The following FSD1L variants were observed in gnomAD, a reference collection of about 807,000 sequenced individuals.
FSD1L encodes the protein FSD1-like protein.
FSD1L carries 45 observed loss-of-function variants against 71.6 expected under a neutral mutation model. That is an observed-to-expected ratio of 0.63 (90% CI 0.49 to 0.81). The LOEUF is 0.81. Among genes scored for constraint, FSD1L ranks in the 30% least tolerant of loss-of-function variants. The pLI is 0.00. For synonymous variants in FSD1L, 197 were observed against 207.2 expected (o/e 0.95, Z 0.42); for missense variants, 561 against 618.1 (o/e 0.91, Z 0.98).
At chr9:105,522,237 T>A in intron 10 of FSD1L, 1 of 1,613,262 alleles carries the variant, frequency 6.2e-7, no homozygotes, top group Non-Finnish European at 8.5e-7. Flanking sequence ...GGCCACTGAG[T>A]GGTCACTGAC....
chr9:105,517,681 C>T (rs1450954855), intron 10 of FSD1L, among the ~76,000 whole-genome samples: 5 of 152,074 alleles, frequency 3.3e-5, no homozygotes, highest in Non-Finnish European at 5.9e-5. Context: ...TGGAAAGAAC[C>T]ATTGGTACCA....
chr9:105,498,636 A>G (rs1289763842), intron 7 of FSD1L, among the ~76,000 whole-genome samples: 2 of 152,332 alleles, frequency 1.3e-5, no homozygotes, highest in East Asian at 3.9e-4. Context: ...GCTCATGACC[A>G]TATGTGCATT....
intron 7 of FSD1L, among the ~76,000 whole-genome samples, chr9:105,501,459 T>C (rs1241726803): frequency 6.6e-6 from 1 of 152,172 alleles, no homozygotes; most frequent in African/African-American, 2.4e-5. Flanking sequence ...GGTATTTCTC[T>C]ATCACCCAGG....
In FSD1L at chr9:105,546,698, G is replaced by A. The variant is rs2131547088; in HGVS notation, c.*215G>A. On this transcript the variant is annotated 3_prime_UTR_variant, in exon 14 of 14. Transcript: ENST00000481272. ...AGCAGATACCAAGCAAAAAACTGAT[G>A]ATTGAAGAGTAAATGGGGGAAAAGG... 2.9e-6 allele frequency: 1 copy of A among 340,144 alleles called. No individual in the cohort carries two copies. Among genetic ancestry groups the A allele is most frequent in the South Asian group, 1.2e-4 (1 of 8,304 alleles). The allele number at this position is 340,144 out of a possible 1,614,324, so 21.1% of individuals were successfully genotyped here. A position where few individuals can be genotyped will look rare whatever the true frequency, so the allele number is the denominator to read the frequency against.
chr9:105,535,137 T>C lies in FSD1L; in HGVS notation c.1197T>C (p.Ser399=). The change falls in exon 12 of 14, where the codon AGT becomes AGC. Residue 399 remains serine (S), a synonymous_variant. Transcript: ENST00000481272. The part of the protein sequence containing the change: ...VKAQKDCKSY[S]VGVAYKTLGK... Reference sequence around the variant, plus strand: ...CCCAGAAGGATTGTAAATCCTACAGTGTGGGAGTAGCATACAAAACGTTGG... The same window carrying C: ...CCCAGAAGGATTGTAAATCCTACAGCGTGGGAGTAGCATACAAAACGTTGG... 6.4e-7 allele frequency: 1 copy of C among 1,551,690 alleles called. No individual in the cohort carries two copies. The highest frequency in any genetic ancestry group is 8.7e-7 in the Non-Finnish European group (1 of 1,146,848).
chr9:105,512,683 G>A, intron 9 of FSD1L, 124 bp from the exon 10 acceptor site: 3 of 489,774 alleles, frequency 6.1e-6, no homozygotes, highest in Non-Finnish European at 1.1e-5. Flanking sequence ...TTATGAATTT[G>A]AACTTTATTT....
At chr9:105,511,608 C>T (rs777857561) in intron 9 of FSD1L, among the ~76,000 whole-genome samples, 1 of 151,980 alleles carries the variant, frequency 6.6e-6, no homozygotes, top group Non-Finnish European at 1.5e-5. Flanking sequence ...TGTGAACTTC[C>T]TTGTACTGTA....
chr9:105,466,107 G>A (rs913629072), intron 3 of FSD1L, among the ~76,000 whole-genome samples: 3 of 151,894 alleles, frequency 2.0e-5, no homozygotes, highest in Admixed American at 6.6e-5. Context: ...CATGAAAAAC[G>A]AACTATTTCA....
At chr9:105,520,335 G>T in intron 10 of FSD1L, 1 of 1,329,130 alleles carries the variant, frequency 7.5e-7, no homozygotes, top group Non-Finnish European at 1.1e-6. Context: ...ATTTGTTTTG[G>T]AAAGTGATGT....
intron 2 of FSD1L, among the ~76,000 whole-genome samples, chr9:105,463,770 T>A (rs1830875293): frequency 1.3e-5 from 2 of 152,248 alleles, no homozygotes; most frequent in South Asian, 4.1e-4. Flanking sequence ...TCATTCTAAA[T>A]GCACATGTAT....
At chr9:105,518,536 C>G (rs1032413548) in intron 10 of FSD1L, among the ~76,000 whole-genome samples, 3 of 152,188 alleles carry the variant, frequency 2.0e-5, no homozygotes, top group Non-Finnish European at 4.4e-5. Flanking sequence ...TATGTGGAAA[C>G]TGAACAACCT....
At position 105,476,870 on chromosome 9, in the gene FSD1L, C is replaced by T. The variant is rs568563927; in HGVS notation, c.442-2484C>T. On this transcript the variant is annotated intron_variant, in intron 5 of 13. Coordinates refer to ENST00000481272, the MANE Select transcript of FSD1L (RefSeq NM_001145313.3). ...GAAACTCTGCCTTCTAATCATTGCT[C>T]AGAATAACTTCTTAAACCTCTCTTG... Among the ~76,000 whole-genome samples, 22 of 152,264 alleles carry T rather than the reference C, an allele frequency of 1.4e-4. No homozygotes were observed. In the South Asian group the frequency reaches 4.4e-3, roughly 30 times the overall value.
At chr9:105,447,555 TATTA>T (rs1829697376), upstream of FSD1L, among the ~76,000 whole-genome samples, 7 of 151,992 alleles carry the variant, frequency 4.6e-5, no homozygotes, top group Admixed American at 4.6e-4. Flanking sequence ...CCAAAGCTCA[TATTA>T]ATCCCACACC....
At chr9:105,502,685 C>T (rs1005751433) in intron 7 of FSD1L, among the ~76,000 whole-genome samples, 5 of 151,986 alleles carry the variant, frequency 3.3e-5, no homozygotes, top group African/African-American at 7.3e-5. Flanking sequence ...TGATTTAAAA[C>T]GCCGTCTTCT....
rs747017280 is a variant in FSD1L at position 105,546,499 on chromosome 9, C to T, written c.*16C>T. 5 of 1,521,712 alleles carry T rather than the reference C, an allele frequency of 3.3e-6. No individual in the cohort carries two copies. The highest frequency in any genetic ancestry group is 1.3e-5 in the South Asian group (1 of 78,174). The allele number at this position is 1,521,712 out of a possible 1,614,324, so 94.3% of individuals were successfully genotyped here. Reference sequence around the variant, plus strand: ...TACTCAATAGTGTCTACTCAGAATACGTTTACCCTCCGTCTTGATTAGGTG... The same window carrying T: ...TACTCAATAGTGTCTACTCAGAATATGTTTACCCTCCGTCTTGATTAGGTG... On this transcript the variant is annotated 3_prime_UTR_variant, in exon 14 of 14. Coordinates refer to ENST00000481272, the MANE Select transcript of FSD1L (RefSeq NM_001145313.3).
chr9:105,538,787 A>G (rs1836428166), intron 12 of FSD1L, among the ~76,000 whole-genome samples: 2 of 152,174 alleles, frequency 1.3e-5, no homozygotes, highest in Non-Finnish European at 2.9e-5. Flanking sequence ...AAAATTAACA[A>G]AATTGAAGCA....
At chr9:105,534,939 A>C (rs1836169533) in intron 11 of FSD1L, 128 bp from the exon 12 acceptor site, 3 of 833,928 alleles carry the variant, frequency 3.6e-6, no homozygotes, top group Non-Finnish European at 5.7e-6. Flanking sequence ...GTGTGTTAAC[A>C]TGATTATTCT....
chr9:105,495,698 C>T (rs536760655), intron 7 of FSD1L, among the ~76,000 whole-genome samples: 3 of 152,274 alleles, frequency 2.0e-5, no homozygotes, highest in South Asian at 2.1e-4. Flanking sequence ...TTCTTTGGGC[C>T]GGGCGCGGTG....
At chr9:105,444,363 A>C (rs1209918912), upstream of FSD1L, among the ~76,000 whole-genome samples, 3 of 152,182 alleles carry the variant, frequency 2.0e-5, no homozygotes, top group African/African-American at 7.2e-5. Context: ...TAAGTGACTC[A>C]CTGAAGGCTA....
Sources: gnomAD v4.1 joint callset for allele counts (sites outside exome capture counted in the v4.1 genomes callset) on GRCh38, gnomAD v4.1.1 for gene constraint, MANE v1.5 for transcripts, NCBI Gene and HGNC (gene_info 2026-07-23, HGNC 2026-07-21) for gene names.